The following HSD17B12 variants were observed in gnomAD, a reference collection of about 807,000 sequenced individuals.
HSD17B12 encodes hydroxysteroid 17-beta dehydrogenase 12.
In HSD17B12, 32 loss-of-function variants were observed where a neutral mutation model predicts 39.3. The observed-to-expected ratio is 0.81, with a 90% CI of 0.61 to 1.09. The LOEUF is 1.09. Ranked by LOEUF, HSD17B12 falls within the 50% of genes least tolerant of loss-of-function variation. The pLI is 0.00. For missense variants in HSD17B12, 342 were observed against 382.9 expected, an observed-to-expected ratio of 0.89 and a Z score of 0.89; for synonymous variants, 150 against 146.7, an observed-to-expected ratio of 1.02 and a Z score of -0.16.
the HSD17B12 span, chr11:43,569,888 T>C: frequency 1.3e-5 from 2 of 152,646 alleles, no homozygotes; most frequent in African/African-American, 2.4e-5. Flanking sequence ...ATCTTCCTAT[T>C]AACATTTGCC....
the HSD17B12 span, among the ~76,000 whole-genome samples, chr11:43,629,866 TG>T: frequency 6.6e-6 from 1 of 152,224 alleles, no homozygotes; most frequent in African/African-American, 2.4e-5. Context: ...GGTAACTATT[TG>T]TATTTAGTTT....
the HSD17B12 span, among the ~76,000 whole-genome samples, chr11:43,665,881 G>A: frequency 6.6e-6 from 1 of 152,210 alleles, no homozygotes; most frequent in East Asian, 1.9e-4. Context: ...TTGGCCTGGA[G>A]CAAAGCCTGC....
At chr11:43,567,317 A>G in the HSD17B12 span, among the ~76,000 whole-genome samples, 4 of 152,180 alleles carry the variant, frequency 2.6e-5, no homozygotes, top group African/African-American at 4.8e-5. Context: ...GACCAGCCCC[A>G]TAAGAACCAT....
chr11:43,713,647 T>C (rs574235950), intron 1 of HSD17B12, among the ~76,000 whole-genome samples: 4 of 152,152 alleles, frequency 2.6e-5, no homozygotes, highest in Non-Finnish European at 5.9e-5. Context: ...TATCCAGTTA[T>C]GGGATAGCTG....
intron 9 of HSD17B12, 70 bp downstream of exon 9, chr11:43,840,134 G>A: frequency 1.6e-6 from 2 of 1,235,234 alleles, no homozygotes; most frequent in Admixed American, 2.1e-5. Flanking sequence ...TTGCTGTCTT[G>A]GCAATAACAA....
the HSD17B12 span, among the ~76,000 whole-genome samples, chr11:43,601,850 T>C: frequency 8.5e-5 from 13 of 152,218 alleles, no homozygotes; most frequent in Non-Finnish European, 1.8e-4. Context: ...AGGTTTAGAA[T>C]GTTCAGTGAG....
chr11:43,572,922 C>T, the HSD17B12 span, among the ~76,000 whole-genome samples: 1 of 152,212 alleles, frequency 6.6e-6, no homozygotes, highest in East Asian at 1.9e-4. Flanking sequence ...GACTGTTTTT[C>T]CTTCTCCAAA....
the HSD17B12 span, among the ~76,000 whole-genome samples, chr11:43,589,705 CT>C: frequency 6.6e-6 from 1 of 152,286 alleles, no homozygotes; most frequent in Admixed American, 6.5e-5. Context: ...GTCTTGCTAT[CT>C]GTCCTTTTAG....
At chr11:43,707,496 A>C (rs1373352910) in intron 1 of HSD17B12, among the ~76,000 whole-genome samples, 2 of 152,178 alleles carry the variant, frequency 1.3e-5, no homozygotes, top group African/African-American at 4.8e-5. Context: ...CAAACTTTGT[A>C]CTAATTTATC....
chr11:43,568,945 C>G, the HSD17B12 span, among the ~76,000 whole-genome samples: 1 of 152,232 alleles, frequency 6.6e-6, no homozygotes, highest in Admixed American at 6.5e-5. Context: ...CATCTTATTA[C>G]TGTTGGTCTC....
At chr11:43,784,865 T>C (rs1447119381) in intron 3 of HSD17B12, among the ~76,000 whole-genome samples, 1 of 152,120 alleles carries the variant, frequency 6.6e-6, no homozygotes, top group African/African-American at 2.4e-5. Context: ...CTTAAAAGCC[T>C]TTTTTTAGTG....
chr11:43,604,917 G>A, the HSD17B12 span, among the ~76,000 whole-genome samples: 5 of 152,240 alleles, frequency 3.3e-5, no homozygotes, highest in South Asian at 1.0e-3. Flanking sequence ...ACCTTAGCAG[G>A]CTGCTAACTC....
At chr11:43,775,579 A>G (rs2134996599) in intron 3 of HSD17B12, among the ~76,000 whole-genome samples, 1 of 151,534 alleles carries the variant, frequency 6.6e-6, no homozygotes, top group South Asian at 2.1e-4. Flanking sequence ...TTGCAACTCA[A>G]ATTTATTTCT....
intron 6 of HSD17B12, among the ~76,000 whole-genome samples, chr11:43,822,602 G>A (rs1211074886): frequency 2.6e-5 from 4 of 152,058 alleles, no homozygotes; most frequent in African/African-American, 7.2e-5. Flanking sequence ...TTGGCCTTGC[G>A]ATAGTTTGCT....
At chr11:43,672,207 C>G in the HSD17B12 span, among the ~76,000 whole-genome samples, 1 of 152,166 alleles carries the variant, frequency 6.6e-6, no homozygotes, top group Non-Finnish European at 1.5e-5. Context: ...CGCCACCACG[C>G]CCGGCTAATT....
the HSD17B12 span, among the ~76,000 whole-genome samples, chr11:43,611,488 G>A: frequency 6.6e-6 from 1 of 152,198 alleles, no homozygotes; most frequent in Non-Finnish European, 1.5e-5. Flanking sequence ...TTGTAAGTGA[G>A]TAAAATACAC....
the HSD17B12 span, among the ~76,000 whole-genome samples, chr11:43,609,814 C>A: frequency 2.0e-5 from 3 of 152,184 alleles, no homozygotes; most frequent in Non-Finnish European, 4.4e-5. Context: ...GAACTGGTTT[C>A]CCCATTTGTA....
chr11:43,693,148 G>A (rs1223996545), intron 1 of HSD17B12, among the ~76,000 whole-genome samples: 1 of 152,190 alleles, frequency 6.6e-6, no homozygotes, highest in East Asian at 1.9e-4. Flanking sequence ...AGAATGGCCA[G>A]GCCAGACAGT....
At chr11:43,557,167 C>T in the HSD17B12 span, among the ~76,000 whole-genome samples, 46 of 152,144 alleles carry the variant, frequency 3.0e-4, no homozygotes, top group Non-Finnish European at 3.2e-4. Flanking sequence ...GGCATGCCAG[C>T]TGGAAGACAG....
Sources: allele counts gnomAD v4.1 joint callset (sites outside exome capture counted in the v4.1 genomes callset), GRCh38; gene constraint gnomAD v4.1.1; transcripts MANE v1.5; gene names NCBI Gene and HGNC (gene_info 2026-07-23, HGNC 2026-07-21).